The following MCTP1 variants were observed in gnomAD, a reference collection of about 807,000 sequenced individuals.
The protein encoded by MCTP1 is multiple C2 and transmembrane domain containing 1.
Under a neutral mutation model 120.6 loss-of-function variants are expected in MCTP1, and 69 were observed. The ratio of observed to expected loss-of-function variants is 0.57; its 90% confidence interval spans 0.47 to 0.70. MCTP1 has a LOEUF of 0.70. MCTP1 is among the 30% of genes least tolerant of loss of function. The pLI, the probability that MCTP1 is intolerant of heterozygous loss-of-function variation, is 0.00. For missense variants in MCTP1, 1,203 were observed against 1,248.8 expected, an observed-to-expected ratio of 0.96 and a Z score of 0.55; for synonymous variants, 529 against 493.1, an observed-to-expected ratio of 1.07 and a Z score of -0.96.
At chr5:95,278,962 C>CAAA (rs113219166) in intron 1 of MCTP1, among the ~76,000 whole-genome samples, 1 of 80,918 alleles carries the variant, frequency 1.2e-5, no homozygotes, top group Non-Finnish European at 2.7e-5. Flanking sequence ...AACTCCGTCT[C>CAAA]AAAAAAAAAA....
chr5:94,772,520 A>G (rs945749677), intron 19 of MCTP1, among the ~76,000 whole-genome samples: 3 of 152,072 alleles, frequency 2.0e-5, no homozygotes, highest in Non-Finnish European at 4.4e-5. Context: ...GATGATTAGC[A>G]CCCTTCATCC....
intron 17 of MCTP1, among the ~76,000 whole-genome samples, chr5:94,854,077 G>A (rs751921516): frequency 2.0e-5 from 3 of 151,768 alleles, no homozygotes; most frequent in Non-Finnish European, 2.9e-5. Context: ...TGGGTTTAAG[G>A]ATAGAAAAGT....
chr5:94,792,480 G>C (rs971276314), intron 18 of MCTP1: 2 of 152,282 alleles, frequency 1.3e-5, no homozygotes, highest in Non-Finnish European at 2.9e-5. Flanking sequence ...TGAGCCAGCT[G>C]TGCTTCCCAT....
intron 17 of MCTP1, among the ~76,000 whole-genome samples, chr5:94,835,930 G>C (rs1295147149): frequency 2.0e-5 from 3 of 152,174 alleles, no homozygotes; most frequent in Non-Finnish European, 4.4e-5. Context: ...TGTGAACCCG[G>C]GAGGCAGAGA....
chr5:95,181,781 T>C (rs1279738591), intron 1 of MCTP1, among the ~76,000 whole-genome samples: 3 of 152,218 alleles, frequency 2.0e-5, no homozygotes, highest in African/African-American at 7.2e-5. Flanking sequence ...AGCCCTTCAG[T>C]CCACAAATCG....
chr5:94,758,200 G>A (rs1770412871), intron 19 of MCTP1, among the ~76,000 whole-genome samples: 1 of 152,192 alleles, frequency 6.6e-6, no homozygotes, highest in Admixed American at 6.5e-5. Context: ...CAAATATTAA[G>A]TGCACATATG....
intron 19 of MCTP1, among the ~76,000 whole-genome samples, chr5:94,741,127 T>C (rs1765431055): frequency 6.6e-6 from 1 of 152,204 alleles, no homozygotes; most frequent in Non-Finnish European, 1.5e-5. Flanking sequence ...ACTATTCATC[T>C]GCAAACTGTG....
intron 1 of MCTP1, among the ~76,000 whole-genome samples, chr5:95,214,604 T>A (rs569268768): frequency 6.6e-6 from 1 of 152,160 alleles, no homozygotes; most frequent in Non-Finnish European, 1.5e-5. Context: ...AGCAAAGACT[T>A]GGAACCACTC....
intron 17 of MCTP1, among the ~76,000 whole-genome samples, chr5:94,864,758 C>T (rs971532287): frequency 5.3e-5 from 8 of 151,862 alleles, no homozygotes; most frequent in African/African-American, 7.2e-5. Context: ...AATTCTTTGA[C>T]GCACACTGAA....
At chr5:94,912,490 G>A (rs1808977987) in intron 9 of MCTP1, among the ~76,000 whole-genome samples, 1 of 135,156 alleles carries the variant, frequency 7.4e-6, no homozygotes, top group East Asian at 2.4e-4. Flanking sequence ...TACTTTATGT[G>A]CCAGGCATCA....
intron 2 of MCTP1, among the ~76,000 whole-genome samples, chr5:94,982,041 G>T (rs1236211122): frequency 2.6e-5 from 4 of 152,092 alleles, no homozygotes; most frequent in African/African-American, 9.7e-5. Flanking sequence ...TACTTAAAGG[G>T]CCAATCATAA....
chr5:94,894,899 G>A, intron 10 of MCTP1, 64 bp from the exon 11 acceptor site: 2 of 966,106 alleles, frequency 2.1e-6, no homozygotes, highest in Non-Finnish European at 3.0e-6. Context: ...TCAAACAGCT[G>A]TTCAGAGTTC....
intron 1 of MCTP1, among the ~76,000 whole-genome samples, chr5:95,271,582 GAT>G (rs1033078551): frequency 2.0e-4 from 31 of 152,054 alleles, no homozygotes; most frequent in Non-Finnish European, 3.5e-4. Flanking sequence ...ACTAATGATT[GAT>G]ATTAGTTATT....
chr5:95,187,408 TTTTTG>T (rs957446991), intron 1 of MCTP1, among the ~76,000 whole-genome samples: 3 of 152,152 alleles, frequency 2.0e-5, no homozygotes, highest in Admixed American at 6.5e-5. Context: ...AGTTTTTTTG[TTTTTG>T]TTTTGAGATG....
At chr5:94,793,137 G>A (rs906776211) in intron 18 of MCTP1, among the ~76,000 whole-genome samples, 1 of 152,136 alleles carries the variant, frequency 6.6e-6, no homozygotes, top group Non-Finnish European at 1.5e-5. Context: ...GGGGGGACTT[G>A]GGATGAGTGA....
chr5:95,008,006 G>T (rs1038194542), intron 2 of MCTP1, among the ~76,000 whole-genome samples: 1 of 152,052 alleles, frequency 6.6e-6, no homozygotes, highest in African/African-American at 2.4e-5. Context: ...CCTACATGAC[G>T]TAGCCTGAAT....
At chr5:94,867,384 T>G in intron 17 of MCTP1, 1 of 1,498,420 alleles carries the variant, frequency 6.7e-7, no homozygotes, top group Non-Finnish European at 9.0e-7. Context: ...ATACAAGGCC[T>G]GAGAGGAAGA....
intron 1 of MCTP1, among the ~76,000 whole-genome samples, chr5:95,041,076 T>G (rs983530707): frequency 6.7e-5 from 10 of 149,090 alleles, no homozygotes; most frequent in Admixed American, 1.3e-4. Context: ...TCAGTTCGAG[T>G]TTTTTTTTGT....
intron 19 of MCTP1, among the ~76,000 whole-genome samples, chr5:94,762,756 T>A (rs1771642947): frequency 6.6e-6 from 1 of 152,226 alleles, no homozygotes; most frequent in South Asian, 2.1e-4. Flanking sequence ...GACAAGCTAC[T>A]AATTCCTAGT....
Sources: gnomAD v4.1 joint callset for allele counts (sites outside exome capture counted in the v4.1 genomes callset) on GRCh38, gnomAD v4.1.1 for gene constraint, MANE v1.5 for transcripts, NCBI Gene and HGNC (gene_info 2026-07-23, HGNC 2026-07-21) for gene names.